The following RYR3 variants were observed in gnomAD, a reference collection of about 807,000 sequenced individuals.
RYR3 encodes the protein brain ryanodine receptor-calcium release channel.
Under a neutral mutation model 584.3 loss-of-function variants are expected in RYR3, and 207 were observed. The ratio of observed to expected loss-of-function variants is 0.35; its 90% CI spans 0.32 to 0.40. The LOEUF is 0.40. Among genes scored for constraint, RYR3 ranks in the 10% least tolerant of loss-of-function variants. RYR3 has a pLI of 1.00. For missense variants in RYR3, 5,616 were observed against 6,089.2 expected (o/e 0.92, Z 2.59); for synonymous variants, 2,416 against 2,248.5 (o/e 1.07, Z -2.11).
chr15:33,546,457 G>A (rs2056244919), intron 8 of RYR3, among the ~76,000 whole-genome samples: 1 of 152,076 alleles, frequency 6.6e-6, no homozygotes, highest in African/African-American at 2.4e-5. Flanking sequence ...TATTTATTGG[G>A]CATTTCCCGA....
At chr15:33,694,503 C>T (rs372197516) in intron 38 of RYR3, among the ~76,000 whole-genome samples, 100 of 152,276 alleles carry the variant, frequency 6.6e-4, no homozygotes, top group African/African-American at 2.3e-3. Context: ...CTCGGCCTCC[C>T]AAAGTGCTGG....
At chr15:33,312,300 A>G (rs1967439042) in intron 1 of RYR3, among the ~76,000 whole-genome samples, 3 of 152,060 alleles carry the variant, frequency 2.0e-5, no homozygotes, top group African/African-American at 7.2e-5. Context: ...CCTCCTGTTG[A>G]AGCGCTTCCT....
intron 98 of RYR3, chr15:33,856,519 A>G (rs2079677056): frequency 1.3e-5 from 2 of 152,312 alleles, no homozygotes; most frequent in Non-Finnish European, 2.9e-5. Flanking sequence ...TCTCTGTAAT[A>G]AAAAGTGTGA....
intron 1 of RYR3, among the ~76,000 whole-genome samples, chr15:33,344,470 T>C (rs1972197116): frequency 6.6e-6 from 1 of 152,228 alleles, no homozygotes; most frequent in Non-Finnish European, 1.5e-5. Flanking sequence ...TGCTTGTTTT[T>C]GTACGTTCAT....
At chr15:33,391,779 A>G (rs573284875) in intron 1 of RYR3, among the ~76,000 whole-genome samples, 1 of 152,224 alleles carries the variant, frequency 6.6e-6, no homozygotes, top group African/African-American at 2.4e-5. Context: ...TCTTTGCCCA[A>G]TTTGATCATT....
chr15:33,643,554 G>A (rs181348456), intron 27 of RYR3, among the ~76,000 whole-genome samples: 50 of 151,998 alleles, frequency 3.3e-4, no homozygotes, highest in African/African-American at 1.1e-3. Flanking sequence ...CTGAGTAGGC[G>A]AGGAGGAGAG....
At chr15:33,541,722 G>A (rs1329258872) in intron 7 of RYR3, among the ~76,000 whole-genome samples, 1 of 152,164 alleles carries the variant, frequency 6.6e-6, no homozygotes, top group Non-Finnish European at 1.5e-5. Context: ...TTGTCAAGGT[G>A]ATACCCCAGT....
intron 1 of RYR3, among the ~76,000 whole-genome samples, chr15:33,328,058 G>C (rs1018892276): frequency 6.6e-6 from 1 of 152,122 alleles, no homozygotes; most frequent in Non-Finnish European, 1.5e-5. Context: ...TCCAAGACTG[G>C]GTTTTTGTTG....
intron 45 of RYR3, among the ~76,000 whole-genome samples, 169 bp from the exon 46 acceptor site, chr15:33,726,217 A>G (rs1460854157): frequency 6.6e-6 from 1 of 152,142 alleles, no homozygotes; most frequent in Admixed American, 6.5e-5. Context: ...TGGAAAATCA[A>G]GATGCCACTC....
chr15:33,648,441 G>A (rs1051108304), intron 30 of RYR3, among the ~76,000 whole-genome samples: 3 of 152,194 alleles, frequency 2.0e-5, no homozygotes, highest in Non-Finnish European at 2.9e-5. Flanking sequence ...AGCTATTGTT[G>A]TAATATAGTG....
At chr15:33,531,231 T>C (rs1193476529) in intron 4 of RYR3, among the ~76,000 whole-genome samples, 2 of 152,156 alleles carry the variant, frequency 1.3e-5, no homozygotes, top group African/African-American at 2.4e-5. Flanking sequence ...GCATGGCTAT[T>C]ACTAATCAGG....
At chr15:33,451,794 T>C (rs2047155149) in intron 1 of RYR3, among the ~76,000 whole-genome samples, 1 of 152,258 alleles carries the variant, frequency 6.6e-6, no homozygotes, top group Non-Finnish European at 1.5e-5. Flanking sequence ...CATCTTCATG[T>C]ATGATTGTTA....
intron 46 of RYR3, among the ~76,000 whole-genome samples, chr15:33,727,741 G>C (rs573998459): frequency 6.6e-6 from 1 of 152,280 alleles, no homozygotes; most frequent in Admixed American, 6.5e-5. Flanking sequence ...TCCTCTCAGG[G>C]TTCCTTATGA....
At chr15:33,733,219 A>G (rs974365735) in intron 48 of RYR3, among the ~76,000 whole-genome samples, 4 of 152,220 alleles carry the variant, frequency 2.6e-5, no homozygotes, top group Admixed American at 6.5e-5. Flanking sequence ...ACTCTTAACT[A>G]TATGATTCAA....
chr15:33,329,352 A>T (rs945978836), intron 1 of RYR3, among the ~76,000 whole-genome samples: 1 of 152,240 alleles, frequency 6.6e-6, no homozygotes, highest in Non-Finnish European at 1.5e-5. Context: ...ACCAAGGAAC[A>T]TGAATACTGC....
chr15:33,653,709 C>T (rs910856296), intron 32 of RYR3, among the ~76,000 whole-genome samples: 2 of 151,954 alleles, frequency 1.3e-5, no homozygotes, highest in African/African-American at 4.8e-5. Context: ...AATGTGTTTC[C>T]TCATTTCCTG....
intron 18 of RYR3, among the ~76,000 whole-genome samples, chr15:33,608,518 G>T (rs552356976): frequency 6.6e-6 from 1 of 152,296 alleles, no homozygotes; most frequent in South Asian, 2.1e-4. Flanking sequence ...TTAAAGTGAG[G>T]TGTACGTCGT....
chr15:33,499,205 T>TGCCTCTCCTCCTCTCTCCCA (rs1329803931), intron 2 of RYR3, among the ~76,000 whole-genome samples: 2 of 145,688 alleles, frequency 1.4e-5, no homozygotes, highest in Non-Finnish European at 3.0e-5. Flanking sequence ...TTCCTCTCCC[T>TGCCTCTCCTCCTCTCTCCCA]GCCTCTCCTC....
At chr15:33,386,384 T>C (rs1296759740) in intron 1 of RYR3, among the ~76,000 whole-genome samples, 1 of 152,218 alleles carries the variant, frequency 6.6e-6, no homozygotes. Flanking sequence ...TAAAAATATG[T>C]GTTGCTAATA....
Sources: allele counts gnomAD v4.1 joint callset (sites outside exome capture counted in the v4.1 genomes callset), GRCh38; gene constraint gnomAD v4.1.1; transcripts MANE v1.5; gene names NCBI Gene and HGNC (gene_info 2026-07-23, HGNC 2026-07-21).